The following SPTSSA variants were observed in gnomAD, a reference collection of about 807,000 sequenced individuals.
SPTSSA encodes serine palmitoyltransferase small subunit A, also known as small subunit of serine palmitoyltransferase A.
In SPTSSA, 8 loss-of-function variants were observed where a neutral mutation model predicts 9.1. That is an observed-to-expected ratio of 0.88 (90% CI 0.51 to 1.58). SPTSSA has a LOEUF of 1.58. Ranked by LOEUF, SPTSSA falls within the 40% of genes most tolerant of loss-of-function variation. SPTSSA has a pLI of 0.00. For synonymous variants in SPTSSA, 42 were observed against 37.7 expected, an observed-to-expected ratio of 1.11 and a Z score of -0.41; for missense variants, 100 against 93.8, an observed-to-expected ratio of 1.07 and a Z score of -0.27.
intron 1 of SPTSSA, among the ~76,000 whole-genome samples, chr14:34,435,926 G>T (rs1049975072): frequency 6.6e-6 from 1 of 151,964 alleles, no homozygotes; most frequent in African/African-American, 2.4e-5. Context: ...CACTGCGCCC[G>T]GCAGGACTGC....
At position 34,434,315 on chromosome 14, in the gene SPTSSA, A is replaced by G. The variant is rs1366437425; in HGVS notation, c.*886T>C. ...CTTTTTGCTATAATTTTTAACAACAATTCGTCTCATCATAACTTAATGCAA... is the reference window on the plus strand; with the variant it reads ...CTTTTTGCTATAATTTTTAACAACAGTTCGTCTCATCATAACTTAATGCAA... On this transcript the variant is annotated 3_prime_UTR_variant, in exon 2 of 2. Transcript: ENST00000298130. 1 of 152,652 alleles carries G rather than the reference A, an allele frequency of 6.6e-6. No individual in the cohort carries two copies. Among genetic ancestry groups the G allele is most frequent in the Non-Finnish European group, 1.5e-5 (1 of 68,040 alleles). 9.5% of individuals were successfully genotyped at this position (152,652 alleles called of 1,614,324 possible).
intron 1 of SPTSSA, among the ~76,000 whole-genome samples, chr14:34,447,225 TAAAAAAAAAAAAA>T (rs79063928): frequency 2.3e-5 from 2 of 85,302 alleles, no homozygotes; most frequent in Admixed American, 1.6e-4. Flanking sequence ...CTCCATCTCT[TAAAAAAAAAAAAA>T]AAAAAAAAAA....
intron 1 of SPTSSA, among the ~76,000 whole-genome samples, chr14:34,446,866 T>C (rs1291437735): frequency 1.3e-5 from 2 of 152,296 alleles, no homozygotes; most frequent in East Asian, 1.9e-4. Flanking sequence ...CTGGCACCTG[T>C]GGCCTATCGA....
chr14:34,442,317 T>A (rs1378704457), intron 1 of SPTSSA, among the ~76,000 whole-genome samples: 1 of 152,226 alleles, frequency 6.6e-6, no homozygotes, highest in Non-Finnish European at 1.5e-5. Context: ...ATTTTTCCTT[T>A]ATCAAACTCA....
intron 1 of SPTSSA, 114 bp downstream of exon 1, chr14:34,461,982 G>A (rs1458498531): frequency 1.7e-6 from 1 of 600,836 alleles, no homozygotes; most frequent in Non-Finnish European, 2.1e-6. Context: ...TCCGCGCACA[G>A]GACCGGCGGG....
At chr14:34,452,841 A>G (rs535099855) in intron 1 of SPTSSA, among the ~76,000 whole-genome samples, 2 of 152,198 alleles carry the variant, frequency 1.3e-5, no homozygotes, top group East Asian at 3.8e-4. Context: ...CGACTAGTAC[A>G]GTACAGGAGC....
At chr14:34,461,914 C>T (rs1878625498) in intron 1 of SPTSSA, among the ~76,000 whole-genome samples, 182 bp downstream of exon 1, 2 of 150,904 alleles carry the variant, frequency 1.3e-5, no homozygotes, top group Admixed American at 1.3e-4. Flanking sequence ...CCCCCACCCC[C>T]CACTTAACCC....
intron 1 of SPTSSA, among the ~76,000 whole-genome samples, chr14:34,460,595 C>A (rs997707122): frequency 2.0e-5 from 3 of 152,034 alleles, no homozygotes; most frequent in Non-Finnish European, 2.9e-5. Context: ...CAAATCTATA[C>A]TAGATTCTAA....
chr14:34,449,668 G>C (rs1883484992), intron 1 of SPTSSA, among the ~76,000 whole-genome samples: 1 of 151,392 alleles, frequency 6.6e-6, no homozygotes, highest in African/African-American at 2.4e-5. Context: ...ACGCCCAGCT[G>C]ATTTTTATAT....
chr14:34,449,202 C>T (rs1883475558), intron 1 of SPTSSA, among the ~76,000 whole-genome samples: 1 of 151,688 alleles, frequency 6.6e-6, no homozygotes, highest in Non-Finnish European at 1.5e-5. Flanking sequence ...TCAAGACCAG[C>T]CTGGGCAACA....
At chr14:34,446,031 T>C (rs1442806165) in intron 1 of SPTSSA, among the ~76,000 whole-genome samples, 3 of 152,360 alleles carry the variant, frequency 2.0e-5, no homozygotes, top group Middle Eastern at 6.8e-3. Context: ...TCTGGTTGTA[T>C]AAAAGCTTTC....
rs1309671956 is a variant in SPTSSA, at chr14:34,432,985, C to T, written c.*2216G>A. On this transcript the variant is annotated 3_prime_UTR_variant, in exon 2 of 2. Transcript: ENST00000298130. ...TTATTGCAGTGGTCTGAAACTGAAC[C>T]CACAATAACTACAAGGTATGCTTGT... The T allele has an allele frequency of 6.6e-6, 1 of 152,044 alleles. No individual in the cohort carries two copies. The highest frequency in any genetic ancestry group is 2.4e-5 in the African/African-American group (1 of 41,390). 9.4% of individuals were successfully genotyped at this position (152,044 alleles called of 1,614,324 possible).
At chr14:34,442,780 T>C (rs1425367275) in intron 1 of SPTSSA, among the ~76,000 whole-genome samples, 1 of 152,210 alleles carries the variant, frequency 6.6e-6, no homozygotes, top group African/African-American at 2.4e-5. Flanking sequence ...TGGGGAGGTT[T>C]GGCCTTTAAA....
chr14:34,455,480 T>C lies in SPTSSA; in HGVS notation c.112+6616A>G, dbSNP rs1371988672. On this transcript the variant is annotated intron_variant, in intron 1 of 1. Coordinates refer to ENST00000298130, the MANE Select transcript of SPTSSA (RefSeq NM_138288.4). ...ACTGCTGACACTGGTTGTCCCAGGG[T>C]GGCCGAGGCAGGGGTGGAAGGAAGA... is the stretch of plus-strand genomic sequence containing the variant. 2.0e-5 allele frequency among the ~76,000 whole-genome samples: 3 copies of C among 151,972 alleles called. No homozygotes were observed. The East Asian group carries it at 5.8e-4, about 29-fold the overall frequency.
chr14:34,450,895 G>A (rs1252120731), intron 1 of SPTSSA, among the ~76,000 whole-genome samples: 2 of 152,126 alleles, frequency 1.3e-5, no homozygotes, highest in Non-Finnish European at 2.9e-5. Flanking sequence ...TATTTTATGG[G>A]TTCCATGGAC....
intron 1 of SPTSSA, among the ~76,000 whole-genome samples, chr14:34,460,966 G>T (rs531097042): frequency 6.6e-6 from 1 of 152,258 alleles, no homozygotes; most frequent in Admixed American, 6.5e-5. Context: ...TTAAACAAAA[G>T]ACTCAGCTTT....
chr14:34,451,938 G>A (rs1280217653), intron 1 of SPTSSA, among the ~76,000 whole-genome samples: 6 of 152,004 alleles, frequency 3.9e-5, no homozygotes, highest in Admixed American at 1.3e-4. Context: ...CCTTATTACT[G>A]TAGTTTTCTT....
At chr14:34,458,745 CA>C (rs1382162688) in intron 1 of SPTSSA, among the ~76,000 whole-genome samples, 1 of 150,464 alleles carries the variant, frequency 6.6e-6, no homozygotes, top group East Asian at 2.0e-4. Flanking sequence ...CGCGCCCGGC[CA>C]AGATTGACTT....
chr14:34,435,359 C>T lies in SPTSSA; in HGVS notation c.113-55G>A. ...ATTAATTTATTCAAAACTAAATCTC[C>T]ACATGTCTTCAACAACTCTTTTATG... is the stretch of plus-strand genomic sequence containing the variant. On this transcript the variant is annotated intron_variant, in intron 1 of 1. Transcript: ENST00000298130. 2.9e-5 allele frequency: 37 copies of T among 1,274,730 alleles called. 1 individual carries two copies. The South Asian group carries it at 4.6e-4, about 16-fold the overall frequency. The allele number at this position is 1,274,730 out of a possible 1,614,324, so 79.0% of individuals were successfully genotyped here. A position where few individuals can be genotyped will look rare whatever the true frequency, so the allele number is the denominator to read the frequency against.
Sources: allele counts gnomAD v4.1 joint callset (sites outside exome capture counted in the v4.1 genomes callset), GRCh38; gene constraint gnomAD v4.1.1; transcripts MANE v1.5; gene names NCBI Gene and HGNC (gene_info 2026-07-23, HGNC 2026-07-21).